CNOT1: variants seen among roughly 807,000 people sequenced by gnomAD.
CNOT1 encodes CCR4-NOT transcription complex subunit 1.
A neutral mutation model predicts 273.8 loss-of-function variants in CNOT1; 15 were observed. The ratio of observed to expected loss-of-function variants is 0.05; its 90% confidence interval spans 0.04 to 0.08. The LOEUF (loss-of-function observed/expected upper bound fraction) is 0.08. Ranked by LOEUF, CNOT1 falls within the 10% of genes least tolerant of loss-of-function variation. The pLI, the probability that CNOT1 is intolerant of heterozygous loss-of-function variation, is 1.00. For synonymous variants in CNOT1, 1,022 were observed against 1,005.5 expected (o/e 1.02, Z -0.31); for missense variants, 1,644 against 2,912.2 (o/e 0.56, Z 10.02).
rs751230165 is a variant in CNOT1 at position 58,545,540 on chromosome 16, T to G, written c.4007-49A>C. 3 of 1,607,678 alleles carry G rather than the reference T, an allele frequency of 1.9e-6. No individual in the cohort carries two copies. The East Asian group carries it at 6.7e-5, about 36-fold the overall frequency. On this transcript the variant is annotated intron_variant, in intron 29 of 48. Transcript: ENST00000317147. ...GATTTAAAAAGTACATTTGTTGACT[T>G]TATTATAAAATTAGCTTAATATCAT...
intron 1 of CNOT1, among the ~76,000 whole-genome samples, chr16:58,610,370 C>T (rs2042852285): frequency 6.6e-6 from 1 of 152,148 alleles, no homozygotes; most frequent in Non-Finnish European, 1.5e-5. Flanking sequence ...CACACCAATG[C>T]ACGCCAGCCT....
chr16:58,586,140 T>A (rs1422667575), intron 7 of CNOT1, among the ~76,000 whole-genome samples: 1 of 144,474 alleles, frequency 6.9e-6, no homozygotes, highest in Non-Finnish European at 1.5e-5. Context: ...CATGTAAGGC[T>A]AGGTATGGTG....
In CNOT1 at chr16:58,520,064, A is replaced by AAAC. The variant is rs1387691608; in HGVS notation, c.*891_*893dup. ...CAACACAGGGACCAATACATTTGCA[A>AAAC]AACATTCAAAATCCTTATAAAAGGG... On this transcript the variant is annotated 3_prime_UTR_variant, in exon 49 of 49. Coordinates refer to ENST00000317147, the MANE Select transcript of CNOT1 (RefSeq NM_016284.5). The AAAC allele has an allele frequency of 5.9e-5, 9 of 152,248 alleles. No homozygotes were observed. The highest frequency in any genetic ancestry group is 2.2e-4 in the African/African-American group (9 of 41,456). The allele number at this position is 152,248 out of a possible 1,614,324, so 9.4% of individuals were successfully genotyped here.
In CNOT1 at chr16:58,555,369, G is replaced by C; in HGVS notation, c.2773C>G (p.Leu925Val). The stretch of plus-strand genomic sequence containing the variant: ...AGACCTAGTGCCATGTAAGTGACCA[G>C]TCCTTTCTCAATTATACCACCAAAT... ...CLFGGIIEKG[L>V]VTYMALGLAL... The change falls in exon 21 of 49, where the codon CTG becomes GTG. Residue 925 changes from leucine (L) to valine (V), a missense_variant. By Grantham distance (32) the Leu-to-Val change is conservative. Coordinates refer to ENST00000317147, the MANE Select transcript of CNOT1 (RefSeq NM_016284.5). 6.2e-7 allele frequency: 1 copy of C among 1,614,196 alleles called. No homozygotes were observed. The highest frequency in any genetic ancestry group is 8.5e-7 in the Non-Finnish European group (1 of 1,180,034).
At chr16:58,576,668 A>C in intron 13 of CNOT1, 86 bp from the exon 14 acceptor site, 1 of 1,561,244 alleles carries the variant, frequency 6.4e-7, no homozygotes, top group Non-Finnish European at 8.7e-7. Flanking sequence ...TTTTGCTAGA[A>C]CTTGTATAAA....
At chr16:58,586,826 C>T in intron 6 of CNOT1, 78 bp from the exon 7 acceptor site, 1 of 1,444,282 alleles carries the variant, frequency 6.9e-7, no homozygotes, top group Non-Finnish European at 9.5e-7. Flanking sequence ...CATCAAAATG[C>T]AGATAATCAC....
At chr16:58,526,536 A>AAC (rs2039588662) in intron 44 of CNOT1, among the ~76,000 whole-genome samples, 1 of 150,860 alleles carries the variant, frequency 6.6e-6, no homozygotes, top group Non-Finnish European at 1.5e-5. Context: ...AAAAAAAAAA[A>AAC]ATTGAAGCCG....
intron 17 of CNOT1, 27 bp downstream of exon 17, chr16:58,560,185 G>A (rs1338981867): frequency 6.2e-7 from 1 of 1,608,788 alleles, no homozygotes; most frequent in Admixed American, 1.7e-5. Context: ...GGCAAATGAA[G>A]ATGTATCAAA....
chr16:58,533,741 T>A (rs2039845104), intron 40 of CNOT1, among the ~76,000 whole-genome samples: 1 of 151,942 alleles, frequency 6.6e-6, no homozygotes, highest in Non-Finnish European at 1.5e-5. Context: ...AGGAGAACGG[T>A]GTGAACCTAG....
intron 21 of CNOT1, 71 bp downstream of exon 21, chr16:58,555,180 C>A: frequency 6.4e-7 from 1 of 1,564,742 alleles, no homozygotes; most frequent in South Asian, 1.2e-5. Flanking sequence ...TGCACTCCAG[C>A]CTGGATGAGA....
chr16:58,542,647 T>G (rs547538004), intron 31 of CNOT1, 79 bp from the exon 32 acceptor site: 1 of 1,546,602 alleles, frequency 6.5e-7, no homozygotes, highest in Admixed American at 2.0e-5. Context: ...GACAGGATAG[T>G]AGAAAATGCA....
At chr16:58,612,422 ACTCT>A (rs1287124267) in intron 1 of CNOT1, among the ~76,000 whole-genome samples, 2 of 151,918 alleles carry the variant, frequency 1.3e-5, no homozygotes, top group Non-Finnish European at 1.5e-5. Flanking sequence ...TCTTTTTTTC[ACTCT>A]CTTTCTGCAA....
chr16:58,580,854 A>G, intron 11 of CNOT1, 94 bp from the exon 12 acceptor site: 1 of 1,191,592 alleles, frequency 8.4e-7, no homozygotes, highest in Non-Finnish European at 1.1e-6. Context: ...TCTTAAGGTT[A>G]TTAGCATGGC....
chr16:58,605,919 G>T (rs1222439805), intron 1 of CNOT1, among the ~76,000 whole-genome samples: 1 of 152,110 alleles, frequency 6.6e-6, no homozygotes, highest in Non-Finnish European at 1.5e-5. Context: ...GCCTCCCAAA[G>T]TGCTAGGATT....
chr16:58,577,666 C>CTA (rs1398754039), intron 13 of CNOT1, among the ~76,000 whole-genome samples: 1 of 152,188 alleles, frequency 6.6e-6, no homozygotes, highest in South Asian at 2.1e-4. Context: ...GGGCAAGACT[C>CTA]TGTCTCTACA....
chr16:58,587,849 C>T lies in CNOT1; in HGVS notation c.240G>A (p.Leu80=). 6.2e-7 allele frequency: 1 copy of T among 1,613,638 alleles called. No individual in the cohort carries two copies. The highest frequency in any genetic ancestry group is 8.5e-7 in the Non-Finnish European group (1 of 1,180,006). Residue 80 remains leucine (L), a synonymous_variant, in exon 4 of 49, where the codon TTG becomes TTA. Transcript: ENST00000317147. ...QTQFLIQECA[L]LITKPNFIST... Reference sequence around the variant, plus strand: ...AGATAAAATTTGGCTTTGTAATCAGCAACGCACACTCCTGAATCAGAAACT... The same window carrying T: ...AGATAAAATTTGGCTTTGTAATCAGTAACGCACACTCCTGAATCAGAAACT...
intron 16 of CNOT1, among the ~76,000 whole-genome samples, chr16:58,561,021 T>C (rs2040820718): frequency 6.6e-6 from 1 of 151,828 alleles, no homozygotes; most frequent in South Asian, 2.1e-4. Context: ...TAAGACTCCG[T>C]CTTCAAAAAA....
intron 13 of CNOT1, 114 bp from the exon 14 acceptor site, chr16:58,576,696 C>G: frequency 6.8e-7 from 1 of 1,478,732 alleles, no homozygotes; most frequent in Non-Finnish European, 9.1e-7. Context: ...TATACCTGTG[C>G]TGACATTAAG....
At chr16:58,569,529 A>G (rs1255157432) in intron 16 of CNOT1, among the ~76,000 whole-genome samples, 1 of 151,692 alleles carries the variant, frequency 6.6e-6, no homozygotes, top group East Asian at 1.9e-4. Flanking sequence ...AAAAAAAACC[A>G]AAAAACAGAA....
Sources: gnomAD v4.1 joint callset for allele counts (sites outside exome capture counted in the v4.1 genomes callset) on GRCh38, gnomAD v4.1.1 for gene constraint, MANE v1.5 for transcripts, NCBI Gene and HGNC (gene_info 2026-07-23, HGNC 2026-07-21) for gene names.